Variants in KAT14 observed in about 807,000 individuals in gnomAD.
KAT14 encodes cysteine-rich protein 2-binding protein.
In KAT14, 66 loss-of-function variants were observed where a neutral mutation model predicts 78.4. That is an observed-to-expected ratio of 0.84 (90% CI 0.69 to 1.03). KAT14 has a LOEUF of 1.03. KAT14 is among the 50% of genes least tolerant of loss of function. KAT14 has a pLI of 0.00. For missense variants in KAT14, 870 were observed against 972.5 expected (o/e 0.89, Z 1.40); for synonymous variants, 344 against 359.4 (o/e 0.96, Z 0.48).
intron 5 of KAT14, 46 bp from the exon 6 acceptor site, chr20:18,161,777 A>G (rs767652532): frequency 1.9e-6 from 3 of 1,566,422 alleles, no homozygotes; most frequent in East Asian, 2.3e-5. Context: ...GTGCCCAAGC[A>G]TTTCAGATGA....
chr20:18,151,961 C>T (rs924668781), intron 4 of KAT14, among the ~76,000 whole-genome samples: 1 of 149,706 alleles, frequency 6.7e-6, no homozygotes, highest in African/African-American at 2.5e-5. Flanking sequence ...CAAGATTGCG[C>T]CATTGCACTC....
At chr20:18,153,704 G>A (rs1391791077) in intron 4 of KAT14, among the ~76,000 whole-genome samples, 2 of 152,158 alleles carry the variant, frequency 1.3e-5, no homozygotes, top group East Asian at 3.8e-4. Context: ...TTTCTGTGTA[G>A]TTTATTTAGT....
chr20:18,184,785 T>C lies in KAT14; in HGVS notation c.2165T>C (p.Leu722Pro). The C allele has an allele frequency of 1.2e-6, 2 of 1,604,820 alleles. No homozygotes were observed. The highest frequency in any genetic ancestry group is 1.7e-6 in the Non-Finnish European group (2 of 1,176,778). The stretch of plus-strand genomic sequence containing the variant: ...ATTGCAACTTTCATGATCTATCATC[T>C]GATTCAGGTAAGTTGTCTATGTTTA... Reference protein sequence around the residue: ...AGIATFMIYHLIQTCMGKDVT... With the variant: ...AGIATFMIYHPIQTCMGKDVT... The change falls in exon 10 of 11, where the codon CTG (leucine) becomes CCG (proline). Residue 722 changes from leucine (L) to proline (P), a missense_variant. Leu to Pro is a moderately conservative substitution (Grantham distance 98). Transcript: ENST00000688188.
At position 18,148,406 on chromosome 20, in the gene KAT14, C is replaced by G. The variant is rs576780334; in HGVS notation, c.379-2415C>G. 3.3e-5 allele frequency among the ~76,000 whole-genome samples: 5 copies of G among 152,138 alleles called. No homozygotes were observed. The South Asian group carries it at 1.0e-3, about 32-fold the overall frequency. Reference sequence around the variant, plus strand: ...ATAGGGAAGTTTTTGCATTCTTTTCCTGGAGACTCATTCTTATGGCACAAG... The same window carrying G: ...ATAGGGAAGTTTTTGCATTCTTTTCGTGGAGACTCATTCTTATGGCACAAG... On this transcript the variant is annotated intron_variant, in intron 3 of 10. Transcript: ENST00000688188.
chr20:18,182,533 G>T (rs943073439), intron 8 of KAT14, among the ~76,000 whole-genome samples: 7 of 152,230 alleles, frequency 4.6e-5, no homozygotes, highest in African/African-American at 1.7e-4. Flanking sequence ...ATATGAAGCA[G>T]TTTCCAATAA....
At chr20:18,146,660 A>G (rs905681433) in intron 3 of KAT14, among the ~76,000 whole-genome samples, 14 of 151,278 alleles carry the variant, frequency 9.3e-5, no homozygotes, top group Non-Finnish European at 1.6e-4. Context: ...AGTCCATCTC[A>G]AAAAAAACCA....
At chr20:18,137,855 G>A (rs1024747496), upstream of KAT14, 23 of 1,216,506 alleles carry the variant, frequency 1.9e-5, no homozygotes, top group Non-Finnish European at 2.3e-5. Context: ...CTCTGCGCTC[G>A]AGGGGTCGAG....
chr20:18,137,314 T>TAAG (rs1222245073), upstream of KAT14, among the ~76,000 whole-genome samples: 2 of 151,740 alleles, frequency 1.3e-5, no homozygotes, highest in Non-Finnish European at 2.9e-5. Context: ...ATAATAATAA[T>TAAG]AATCCGAGCC....
chr20:18,156,989 C>A (rs1171876778), intron 4 of KAT14, among the ~76,000 whole-genome samples: 21 of 152,114 alleles, frequency 1.4e-4, no homozygotes, highest in Admixed American at 1.4e-3. Flanking sequence ...TTTAAGTTAG[C>A]CTTGTGGGGC....
At position 18,142,372 on chromosome 20, in the gene KAT14, A is replaced by G. The variant is rs765655762; in HGVS notation, c.-289A>G. Reference sequence around the variant, plus strand: ...AAAAATCATGACTTGAATGTGAAATATCTGTTGGACAGACAACACGAGTTT... The same window carrying G: ...AAAAATCATGACTTGAATGTGAAATGTCTGTTGGACAGACAACACGAGTTT... On this transcript the variant is annotated 5_prime_UTR_variant, in exon 2 of 11. In the 5' UTR this introduces an upstream ATG that the reference lacks. Transcript: ENST00000688188. 4.6e-6 allele frequency: 7 copies of G among 1,534,786 alleles called. No homozygotes were observed. In the African/African-American group the frequency reaches 9.6e-5, roughly 21 times the overall value.
chr20:18,162,283 A>G (rs1400138782), intron 6 of KAT14, 44 bp downstream of exon 6: 2 of 1,610,444 alleles, frequency 1.2e-6, no homozygotes, highest in Admixed American at 1.7e-5. Context: ...GGTATGGGCC[A>G]TGGTATAAAT....
At chr20:18,181,977 C>T (rs1245863537) in intron 8 of KAT14, 131 bp downstream of exon 8, 2 of 1,357,128 alleles carry the variant, frequency 1.5e-6, no homozygotes, top group Non-Finnish European at 2.0e-6. Context: ...GGACTGAGTT[C>T]TGTGCTTCAC....
intron 1 of KAT14, among the ~76,000 whole-genome samples, chr20:18,141,153 G>A (rs2146330482): frequency 6.6e-6 from 1 of 150,932 alleles, no homozygotes; most frequent in South Asian, 2.1e-4. Flanking sequence ...CAGGAGTGCT[G>A]GGATTACAGG....
Position 18,137,993 on chromosome 20 carries a change from T to A in KAT14, c.-512T>A. 6.6e-7 allele frequency: 1 copy of A among 1,507,084 alleles called. No homozygotes were observed. Among genetic ancestry groups the A allele is most frequent in the African/African-American group, 1.4e-5 (1 of 69,670 alleles). The allele number at this position is 1,507,084 out of a possible 1,614,324, so 93.4% of individuals were successfully genotyped here. A position where few individuals can be genotyped will look rare whatever the true frequency, so the allele number is the denominator to read the frequency against. On this transcript the variant is annotated 5_prime_UTR_variant, in exon 1 of 11. Transcript: ENST00000688188. ...TCGAAGGTGGTGCTGGGCCTCTCGGTGCTGCTGACGGCGGCCACAGTGGCC... is the reference window on the plus strand; with the variant it reads ...TCGAAGGTGGTGCTGGGCCTCTCGGAGCTGCTGACGGCGGCCACAGTGGCC...
At chr20:18,184,504 A>G in intron 9 of KAT14, 98 bp from the exon 10 acceptor site, 4 of 560,622 alleles carry the variant, frequency 7.1e-6, no homozygotes, top group South Asian at 5.5e-5. Context: ...TTTTTTTTTT[A>G]GCATGCAGGT....
chr20:18,161,363 T>C (rs1473091819), intron 5 of KAT14, among the ~76,000 whole-genome samples: 1 of 152,158 alleles, frequency 6.6e-6, no homozygotes, highest in Non-Finnish European at 1.5e-5. Flanking sequence ...GCTAAACTTT[T>C]AATGTTTGCC....
intron 4 of KAT14, 146 bp downstream of exon 4, chr20:18,151,088 G>A: frequency 9.1e-7 from 1 of 1,102,038 alleles, no homozygotes; most frequent in Non-Finnish European, 1.3e-6. Context: ...GCAGTGGCAT[G>A]ACCATAGCTC....
intron 3 of KAT14, among the ~76,000 whole-genome samples, chr20:18,145,744 G>A (rs990652112): frequency 6.6e-6 from 1 of 151,414 alleles, no homozygotes; most frequent in Non-Finnish European, 1.5e-5. Context: ...CCGTGCCACT[G>A]TACTCCAGCT....
Position 18,161,894 on chromosome 20 carries a change from G to T in KAT14, c.754G>T (p.Glu252Ter). ...AAAACGAGCAAGTCGGAATCCTGTGGAATCTGCCATGGAATTAAAAGAGAA... is the reference window on the plus strand; with the variant it reads ...AAAACGAGCAAGTCGGAATCCTGTGTAATCTGCCATGGAATTAAAAGAGAA... The part of the protein sequence containing the change: ...LRKRASRNPV[E>*]SAMELKEKRS... The change falls in exon 6 of 11, where the codon GAA (glutamate) becomes TAA (stop). Residue 252 changes from glutamate (E) to a stop codon, truncating the protein, a stop_gained. Coordinates refer to ENST00000688188, the MANE Select transcript of KAT14 (RefSeq NM_001392073.1). LOFTEE classifies it high-confidence loss of function. The T allele has an allele frequency of 1.9e-6, 3 of 1,614,174 alleles. No homozygotes were observed. Among genetic ancestry groups the T allele is most frequent in the Non-Finnish European group, 2.5e-6 (3 of 1,180,038 alleles).
Sources: gnomAD v4.1 joint callset for allele counts (sites outside exome capture counted in the v4.1 genomes callset) on GRCh38, gnomAD v4.1.1 for gene constraint, MANE v1.5 for transcripts, NCBI Gene and HGNC (gene_info 2026-07-23, HGNC 2026-07-21) for gene names.